Variants in PCDHGA4 observed in about 807,000 individuals in gnomAD.
PCDHGA4 encodes protocadherin gamma-A4.
Under a neutral mutation model 54.6 loss-of-function variants are expected in PCDHGA4, and 38 were observed. The ratio of observed to expected loss-of-function variants is 0.70; its 90% CI spans 0.54 to 0.91. The LOEUF is 0.91. PCDHGA4 is among the 40% of genes least tolerant of loss of function. PCDHGA4 has a pLI of 0.00. For synonymous variants in PCDHGA4, 511 were observed against 512.9 expected (o/e 1.00, Z 0.05); for missense variants, 1,298 against 1,220.9 (o/e 1.06, Z -0.94).
intron 1 of PCDHGA4, among the ~76,000 whole-genome samples, chr5:141,454,266 C>T (rs2098785508): frequency 1.3e-5 from 2 of 152,132 alleles, no homozygotes; most frequent in African/African-American, 4.8e-5. Flanking sequence ...AAAGTAATGC[C>T]AGCAAAAACT....
intron 1 of PCDHGA4, among the ~76,000 whole-genome samples, chr5:141,465,159 A>C (rs1333891587): frequency 6.6e-6 from 1 of 151,952 alleles, no homozygotes; most frequent in East Asian, 1.9e-4. Flanking sequence ...AGGGACTCTA[A>C]ATGTTTATGA....
intron 1 of PCDHGA4, chr5:141,365,500 G>A (rs751033345): frequency 6.2e-7 from 1 of 1,613,898 alleles, no homozygotes; most frequent in Non-Finnish European, 8.5e-7. Context: ...CTAGGAATTT[G>A]CCTTTTAAAT....
chr5:141,423,906 G>A (rs2096789586), intron 1 of PCDHGA4: 17 of 1,272,396 alleles, frequency 1.3e-5, no homozygotes, highest in Non-Finnish European at 1.7e-5. Context: ...ATTTCAAAGG[G>A]GCCATTCAAC....
At chr5:141,467,571 A>G (rs1228156610) in intron 1 of PCDHGA4, among the ~76,000 whole-genome samples, 1 of 152,212 alleles carries the variant, frequency 6.6e-6, no homozygotes, top group South Asian at 2.1e-4. Flanking sequence ...ATGGCTATCC[A>G]GTTGTCCCAA....
Position 141,372,598 on chromosome 5 carries a change from C to CTGTA in PCDHGA4, c.2514+14978_2514+14981dup, listed in dbSNP as rs763694061. The CTGTA allele has an allele frequency of 6.2e-6, 10 of 1,614,046 alleles. No individual in the cohort carries two copies. In the South Asian group the frequency reaches 1.1e-4, roughly 18 times the overall value. On this transcript the variant is annotated intron_variant, in intron 1 of 3. Coordinates refer to ENST00000571252, the MANE Select transcript of PCDHGA4 (RefSeq NM_018917.4). ...TTTCAGCCTGGTGTCTGCTTCAAGA[C>CTGTA]TGTACCTGGAGTTCTCCCCACCTAC...
At chr5:141,484,454 G>T (rs932663778) in intron 1 of PCDHGA4, among the ~76,000 whole-genome samples, 2 of 152,212 alleles carry the variant, frequency 1.3e-5, no homozygotes, top group Non-Finnish European at 2.9e-5. Context: ...AATTGGCTAC[G>T]TTAATGTGTA....
intron 1 of PCDHGA4, chr5:141,383,806 A>C: frequency 6.2e-7 from 1 of 1,614,006 alleles, no homozygotes; most frequent in Non-Finnish European, 8.5e-7. Context: ...AGAAATATCA[A>C]CTTTAGAAGG....
rs1426305491 is a variant in PCDHGA4 at position 141,489,758 on chromosome 5, G to A, written c.2515-5049G>A. 1 of 1,614,084 alleles carries A rather than the reference G, an allele frequency of 6.2e-7. No homozygotes were observed. The highest frequency in any genetic ancestry group is 1.7e-5 in the Admixed American group (1 of 60,020). On this transcript the variant is annotated intron_variant, in intron 1 of 3. Coordinates refer to ENST00000571252, the MANE Select transcript of PCDHGA4 (RefSeq NM_018917.4). The surrounding 1 kb of genome is among the most constrained non-coding windows in gnomAD (Gnocchi z 4.5). ...AATACTGTGAGCTTTTACACTCTAAGCCCCAACAGCCACTTCTCTCTGAAT... is the reference window on the plus strand; with the variant it reads ...AATACTGTGAGCTTTTACACTCTAAACCCCAACAGCCACTTCTCTCTGAAT...
At chr5:141,372,283 G>A (rs749946527) in intron 1 of PCDHGA4, 5 of 1,613,198 alleles carry the variant, frequency 3.1e-6, no homozygotes, top group Non-Finnish European at 4.2e-6. Context: ...CGCACGGCGC[G>A]TACCTTGGGC....
chr5:141,475,867 G>A (rs2099377217), intron 1 of PCDHGA4: 1 of 504,884 alleles, frequency 2.0e-6, no homozygotes, highest in Non-Finnish European at 3.5e-6. Flanking sequence ...CTCATTCTTC[G>A]TGCAGTTATT....
Position 141,388,205 on chromosome 5 carries a change from G to T in PCDHGA4, c.2514+30584G>T, listed in dbSNP as rs2091277297. 6.3e-7 allele frequency: 1 copy of T among 1,578,264 alleles called. No homozygotes were observed. ...AGCCAGCTTGTGCTCTGGAATTTGA[G>T]GCTGTTGCTGAAAATCCACTGAACT... On this transcript the variant is annotated intron_variant, in intron 1 of 3. Transcript: ENST00000571252.
chr5:141,418,781 G>C, intron 1 of PCDHGA4: 1 of 1,613,716 alleles, frequency 6.2e-7, no homozygotes, highest in African/African-American at 1.3e-5. Context: ...GCAGCCTTTG[G>C]ATTTTGAAGA....
chr5:141,418,429 A>T (rs765952024), intron 1 of PCDHGA4: 2 of 1,613,854 alleles, frequency 1.2e-6, no homozygotes, highest in African/African-American at 2.7e-5. Context: ...ATGGTGGCAA[A>T]TATCCAGAAT....
At chr5:141,379,827 G>A (rs1217798060) in intron 1 of PCDHGA4, among the ~76,000 whole-genome samples, 3 of 142,646 alleles carry the variant, frequency 2.1e-5, no homozygotes, top group Non-Finnish European at 3.0e-5. Flanking sequence ...GAATTTTGAA[G>A]CATCAGGAAA....
At chr5:141,418,381 T>C in intron 1 of PCDHGA4, 3 of 1,613,998 alleles carry the variant, frequency 1.9e-6, no homozygotes, top group Non-Finnish European at 2.5e-6. Flanking sequence ...AACTAAGTCC[T>C]AACGAGTATT....
Position 141,511,040 on chromosome 5 carries a change from C to T in PCDHGA4, c.2756C>T (p.Pro919Leu), listed in dbSNP as rs770767470. The T allele has an allele frequency of 6.2e-7, 1 of 1,614,216 alleles. No individual in the cohort carries two copies. The highest frequency in any genetic ancestry group is 1.7e-5 in the Admixed American group (1 of 60,034). Reference protein sequence around the residue: ...YGPQFTLQHVPDYRQNVYIPG... With the variant: ...YGPQFTLQHVLDYRQNVYIPG... ...CCCCAGTTCACCCTGCAGCACGTGC[C>T]CGACTACCGCCAGAATGTCTACATC... Residue 919 changes from proline (P) to leucine (L), a missense_variant, in exon 4 of 4, where the codon CCC becomes CTC. Physicochemically the swap from Pro to Leu is moderately conservative, Grantham distance 98. Transcript: ENST00000571252.
chr5:141,417,632 C>T (rs1395400349), intron 1 of PCDHGA4: 3 of 714,288 alleles, frequency 4.2e-6, no homozygotes, highest in Non-Finnish European at 6.5e-6. Context: ...GCGCTGACGC[C>T]GGGGATCCCT....
Position 141,431,690 on chromosome 5 carries a change from G to A in PCDHGA4, c.2515-63117G>A. 1.2e-6 allele frequency: 2 copies of A among 1,614,234 alleles called. No individual in the cohort carries two copies. Among genetic ancestry groups the A allele is most frequent in the Non-Finnish European group, 8.5e-7 (1 of 1,180,040 alleles). On this transcript the variant is annotated intron_variant, in intron 1 of 3. Coordinates refer to ENST00000571252, the MANE Select transcript of PCDHGA4 (RefSeq NM_018917.4). The surrounding 1 kb of genome is among the most constrained non-coding windows in gnomAD (Gnocchi z 4.8). ...AACAATAGGGGAGTTGGACCACGAG[G>A]AGTCAGGATTCTACCAGATGGAAGT... is the stretch of plus-strand genomic sequence containing the variant.
intron 1 of PCDHGA4, chr5:141,421,492 G>C: frequency 1.7e-5 from 28 of 1,614,106 alleles, no homozygotes; most frequent in Non-Finnish European, 2.3e-5. Flanking sequence ...GATCACGGCA[G>C]GCAGGATAGA....
Sources: allele counts gnomAD v4.1 joint callset (sites outside exome capture counted in the v4.1 genomes callset), GRCh38; gene constraint gnomAD v4.1.1; non-coding constraint Gnocchi (gnomAD v3.1); transcripts MANE v1.5; gene names NCBI Gene and HGNC (gene_info 2026-07-23, HGNC 2026-07-21).